The following NHSL3 variants were observed in gnomAD, a reference collection of about 807,000 sequenced individuals.
NHSL3 encodes the protein NHS like 3.
chr1:32,750,728 A>G, the NHSL3 span, among the ~76,000 whole-genome samples: 1 of 151,772 alleles, frequency 6.6e-6, no homozygotes. Flanking sequence ...GGCTGGTCTT[A>G]AACTGCTGAC....
the NHSL3 span, among the ~76,000 whole-genome samples, chr1:32,766,188 G>A: frequency 6.6e-6 from 1 of 152,138 alleles, no homozygotes; most frequent in Non-Finnish European, 1.5e-5. Context: ...GGGCGGCCCA[G>A]AAGAGAGGAG....
At chr1:32,771,805 G>A in the NHSL3 span, 9 of 1,613,022 alleles carry the variant, frequency 5.6e-6, no homozygotes, top group South Asian at 6.6e-5. Context: ...GGACGTAGGT[G>A]CGCCCCTGGT....
At chr1:32,760,941 G>A in the NHSL3 span, among the ~76,000 whole-genome samples, 1 of 152,120 alleles carries the variant, frequency 6.6e-6, no homozygotes, top group East Asian at 1.9e-4. Context: ...CCAGTGGGAC[G>A]CTGCCTGCTG....
the NHSL3 span, among the ~76,000 whole-genome samples, chr1:32,756,410 C>T: frequency 1.4e-5 from 2 of 143,672 alleles, no homozygotes; most frequent in East Asian, 2.1e-4. Context: ...TTTGGGAGGC[C>T]GAGATGGGAG....
At chr1:32,772,315 C>CTCCA in the NHSL3 span, 114 of 1,600,980 alleles carry the variant, frequency 7.1e-5, no homozygotes, top group Admixed American at 1.3e-4. Flanking sequence ...TCGAGCTGAG[C>CTCCA]CCCTTACTGC....
the NHSL3 span, chr1:32,769,924 G>A: frequency 6.2e-7 from 1 of 1,607,918 alleles, no homozygotes; most frequent in Non-Finnish European, 8.5e-7. Flanking sequence ...CCGGGCTCCT[G>A]GTGCACGGGA....
At chr1:32,765,796 C>T in the NHSL3 span, 3 of 1,547,824 alleles carry the variant, frequency 1.9e-6, no homozygotes, top group Non-Finnish European at 2.6e-6. Context: ...GCCGCCGCCT[C>T]CCGGCGCTCC....
At chr1:32,751,882 G>A in the NHSL3 span, among the ~76,000 whole-genome samples, 12 of 152,104 alleles carry the variant, frequency 7.9e-5, no homozygotes, top group African/African-American at 2.2e-4. Context: ...CTCCTCCAAC[G>A]CTTCTTGTGA....
the NHSL3 span, among the ~76,000 whole-genome samples, chr1:32,756,333 G>A: frequency 3.3e-5 from 5 of 152,026 alleles, no homozygotes; most frequent in South Asian, 2.1e-4. Context: ...CAGCTGTGGG[G>A]TATGGCCGTG....
the NHSL3 span, among the ~76,000 whole-genome samples, chr1:32,760,700 C>A: frequency 6.6e-6 from 1 of 151,790 alleles, no homozygotes; most frequent in African/African-American, 2.4e-5. Context: ...AAGCGATTCT[C>A]CTGCCTCAGC....
At chr1:32,761,809 AGTGG>A in the NHSL3 span, among the ~76,000 whole-genome samples, 1 of 147,552 alleles carries the variant, frequency 6.8e-6, no homozygotes, top group African/African-American at 2.5e-5. Flanking sequence ...TGATAAGAAG[AGTGG>A]GTGGGTGGGT....
chr1:32,745,868 T>G, the NHSL3 span, among the ~76,000 whole-genome samples: 6 of 151,878 alleles, frequency 4.0e-5, no homozygotes, highest in African/African-American at 4.8e-5. Flanking sequence ...TGATGATGAT[T>G]ATTGAGGGGG....
chr1:32,768,678 CAACAT>C, the NHSL3 span: 1 of 1,614,188 alleles, frequency 6.2e-7, no homozygotes, highest in East Asian at 2.2e-5. Context: ...CGGATGAAGA[CAACAT>C]CTCCTTCTGC....
the NHSL3 span, among the ~76,000 whole-genome samples, chr1:32,755,961 T>A: frequency 6.6e-6 from 1 of 152,144 alleles, no homozygotes; most frequent in Non-Finnish European, 1.5e-5. Context: ...CCCAGACTTG[T>A]GACCATTTGT....
chr1:32,754,372 C>T, the NHSL3 span, among the ~76,000 whole-genome samples: 2 of 152,024 alleles, frequency 1.3e-5, no homozygotes, highest in Non-Finnish European at 2.9e-5. Context: ...GGCACACGTA[C>T]ATGTTCGCAG....
chr1:32,772,094 T>A, the NHSL3 span: 1 of 1,613,210 alleles, frequency 6.2e-7, no homozygotes, highest in South Asian at 1.1e-5. Flanking sequence ...ACGGCCAGTT[T>A]CATCTTCTCC....
the NHSL3 span, chr1:32,770,012 T>TGGAGGC: frequency 9.4e-6 from 15 of 1,600,448 alleles, no homozygotes; most frequent in African/African-American, 1.3e-5. This position sits in a 1 kb window ranked among gnomAD's most constrained non-coding sequence, Gnocchi z 8.3. Context: ...CTGCAGGCGC[T>TGGAGGC]GGAGGCGGAG....
chr1:32,753,574 G>A, the NHSL3 span, among the ~76,000 whole-genome samples: 1 of 152,216 alleles, frequency 6.6e-6, no homozygotes, highest in African/African-American at 2.4e-5. Context: ...CACAGAGCCT[G>A]GCACATAGTA....
the NHSL3 span, among the ~76,000 whole-genome samples, chr1:32,753,675 G>C: frequency 0.99 from 150,097 of 152,340 alleles, 73,984 homozygotes; most frequent in East Asian, 1. Flanking sequence ...GCACGTGACA[G>C]TCACGGGGAG....
Sources: allele counts gnomAD v4.1 joint callset (sites outside exome capture counted in the v4.1 genomes callset), GRCh38; gene constraint gnomAD v4.1.1; non-coding constraint Gnocchi (gnomAD v3.1); transcripts MANE v1.5; gene names NCBI Gene and HGNC (gene_info 2026-07-23, HGNC 2026-07-21).